SEMA6D: variants seen among roughly 807,000 people sequenced by gnomAD.
SEMA6D encodes semaphorin-6D.
In SEMA6D, 35 loss-of-function variants were observed where a neutral mutation model predicts 106.6. That is an observed-to-expected ratio of 0.33 (90% CI 0.25 to 0.44). The LOEUF is 0.44. SEMA6D is among the 20% of genes least tolerant of loss of function. The pLI, the probability that SEMA6D is intolerant of heterozygous loss-of-function variation, is 1.00. For synonymous variants in SEMA6D, 499 were observed against 487.7 expected (o/e 1.02, Z -0.31); for missense variants, 1,185 against 1,345.9 (o/e 0.88, Z 1.87).
intron 2 of SEMA6D, among the ~76,000 whole-genome samples, chr15:47,463,307 G>T (rs2042566744): frequency 6.6e-6 from 1 of 152,072 alleles, no homozygotes; most frequent in Non-Finnish European, 1.5e-5. Flanking sequence ...CCACATACAT[G>T]CACCCTTTTC....
intron 1 of SEMA6D, among the ~76,000 whole-genome samples, chr15:47,312,790 AGTGT>A (rs1006556910): frequency 2.6e-4 from 40 of 152,232 alleles, no homozygotes; most frequent in African/African-American, 9.4e-4. Context: ...AAAAATTATT[AGTGT>A]GATATTTTAC....
intron 3 of SEMA6D, among the ~76,000 whole-genome samples, chr15:47,595,591 G>A (rs1350146631): frequency 6.6e-6 from 1 of 152,020 alleles, no homozygotes; most frequent in Admixed American, 6.6e-5. Flanking sequence ...GAGTAATGCT[G>A]GCCTCATGAA....
At chr15:47,298,215 A>G (rs8040612) in intron 1 of SEMA6D, among the ~76,000 whole-genome samples, 57,883 of 152,018 alleles carry the variant, frequency 0.38, 11,361 homozygotes, top group Middle Eastern at 0.51. Flanking sequence ...CGCACTGGGA[A>G]TAGGACTGTA....
intron 3 of SEMA6D, among the ~76,000 whole-genome samples, chr15:47,544,100 T>C (rs2045442601): frequency 6.6e-6 from 1 of 152,168 alleles, no homozygotes; most frequent in African/African-American, 2.4e-5. Flanking sequence ...GCTAAATATT[T>C]TAAATTTTAT....
chr15:47,372,909 G>T (rs563462535), intron 1 of SEMA6D, among the ~76,000 whole-genome samples: 1 of 152,306 alleles, frequency 6.6e-6, no homozygotes, highest in South Asian at 2.1e-4. Context: ...TCCAGATTGT[G>T]TGTCACAAGA....
At chr15:47,394,469 T>G (rs1301932031) in intron 1 of SEMA6D, among the ~76,000 whole-genome samples, 3 of 152,042 alleles carry the variant, frequency 2.0e-5, no homozygotes, top group Admixed American at 2.0e-4. Context: ...AGTGGCGAAT[T>G]AGTTGGGGAG....
chr15:47,528,798 C>G lies in SEMA6D; in HGVS notation c.-87+58253C>G, dbSNP rs191438668. 2.9e-4 allele frequency among the ~76,000 whole-genome samples: 44 copies of G among 152,238 alleles called. 1 individual carries two copies. The East Asian group carries it at 8.3e-3, about 29-fold the overall frequency. On this transcript the variant is annotated intron_variant, in intron 3 of 19. Coordinates refer to the SEMA6D transcript ENST00000558014. ...CCCTTTGAAAATACATACAGTTGAC[C>G]GTTGACCTTTGATCAATTCAGGGGT...
intron 3 of SEMA6D, among the ~76,000 whole-genome samples, chr15:47,599,370 C>G (rs1020188812): frequency 3.3e-5 from 5 of 151,832 alleles, no homozygotes; most frequent in Non-Finnish European, 7.4e-5. Context: ...AACAAACTTT[C>G]CAGAAAGTAG....
chr15:47,622,201 C>CAAAAA (rs199839582), intron 4 of SEMA6D, among the ~76,000 whole-genome samples: 16 of 62,728 alleles, frequency 2.6e-4, no homozygotes, highest in Non-Finnish European at 2.6e-4. Context: ...GAAACCCAGC[C>CAAAAA]AAAAAAAAAA....
chr15:47,411,784 G>T (rs369768279), intron 1 of SEMA6D, among the ~76,000 whole-genome samples: 1 of 151,982 alleles, frequency 6.6e-6, no homozygotes, highest in Admixed American at 6.6e-5. Flanking sequence ...GGCCACTTCC[G>T]GGTTCAGATC....
intron 3 of SEMA6D, among the ~76,000 whole-genome samples, chr15:47,518,439 T>G (rs2141893087): frequency 6.6e-6 from 1 of 152,246 alleles, no homozygotes; most frequent in Non-Finnish European, 1.5e-5. Flanking sequence ...TTGTAAGAAA[T>G]GTGGTATTAG....
At position 47,667,368 on chromosome 15, in the gene SEMA6D, T is replaced by C. The variant is rs1315047650; in HGVS notation, c.-55+66472T>C. 3.3e-5 allele frequency among the ~76,000 whole-genome samples: 5 copies of C among 152,168 alleles called. 1 individual carries two copies. In the East Asian group the frequency reaches 7.7e-4, roughly 23 times the overall value. On this transcript the variant is annotated intron_variant, in intron 4 of 19. Coordinates refer to the SEMA6D transcript ENST00000558014. ...ACGTAGATTTGTATAGAGCTACACA[T>C]ATTCTCAAGCACGTCAGGTCTCAGG...
At chr15:47,406,976 CA>C (rs1475985193) in intron 1 of SEMA6D, among the ~76,000 whole-genome samples, 6 of 151,982 alleles carry the variant, frequency 3.9e-5, no homozygotes, top group Non-Finnish European at 8.8e-5. Flanking sequence ...ACAACAACAA[CA>C]AAAACAGAAA....
intron 3 of SEMA6D, among the ~76,000 whole-genome samples, chr15:47,588,877 A>G (rs1231231831): frequency 6.6e-6 from 1 of 152,170 alleles, no homozygotes; most frequent in Non-Finnish European, 1.5e-5. Flanking sequence ...TTGTCTGCCA[A>G]GGGGACACTT....
At position 47,759,735 on chromosome 15, in the gene SEMA6D, T is replaced by G; in HGVS notation, c.-54-10T>G. The G allele has an allele frequency of 8.5e-7, 1 of 1,176,852 alleles. No individual in the cohort carries two copies. The highest frequency in any genetic ancestry group is 1.3e-6 in the Non-Finnish European group (1 of 782,478). 72.9% of individuals were successfully genotyped at this position (1,176,852 alleles called of 1,614,324 possible). On this transcript the variant is annotated splice_polypyrimidine_tract_variant and intron_variant, in intron 1 of 18. Transcript: ENST00000536845. ...CATAGAGATCTTTCCAAACTGCTTC[T>G]GTTTTCCAGGTAGCTCAGTGGCATT...
rs1416729374 is a variant in SEMA6D, at chr15:47,763,376, T to C, written c.747+272T>C. 2.0e-5 allele frequency among the ~76,000 whole-genome samples: 3 copies of C among 152,284 alleles called. No homozygotes were observed. The East Asian group carries it at 5.8e-4, about 29-fold the overall frequency. On this transcript the variant is annotated intron_variant, in intron 9 of 18. Coordinates refer to ENST00000536845, the MANE Select transcript of SEMA6D (RefSeq NM_001358351.3). Reference sequence around the variant, plus strand: ...GAGTGTTCTACAGGTACCCTTGAGCTACGGATGCTTTTTTTACTCTTTAGA... The same window carrying C: ...GAGTGTTCTACAGGTACCCTTGAGCCACGGATGCTTTTTTTACTCTTTAGA...
At chr15:47,446,015 G>T (rs1343394300) in intron 2 of SEMA6D, among the ~76,000 whole-genome samples, 1 of 152,112 alleles carries the variant, frequency 6.6e-6, no homozygotes, top group Non-Finnish European at 1.5e-5. Context: ...CCCCCTCAAG[G>T]AAAATGTGTA....
At chr15:47,522,014 G>A (rs2044599470) in intron 3 of SEMA6D, among the ~76,000 whole-genome samples, 1 of 151,710 alleles carries the variant, frequency 6.6e-6, no homozygotes, top group African/African-American at 2.4e-5. Context: ...AGATTCATTA[G>A]CAGTAATGAC....
At chr15:47,568,163 T>G (rs2046282179) in intron 3 of SEMA6D, among the ~76,000 whole-genome samples, 1 of 136,470 alleles carries the variant, frequency 7.3e-6, no homozygotes. Context: ...CTGATTATGC[T>G]CATCAAAAAA....
Sources: gnomAD v4.1 joint callset for allele counts (sites outside exome capture counted in the v4.1 genomes callset) on GRCh38, gnomAD v4.1.1 for gene constraint, MANE v1.5 for transcripts, NCBI Gene and HGNC (gene_info 2026-07-23, HGNC 2026-07-21) for gene names.